Variants in NLGN1 observed in about 807,000 individuals in gnomAD.
The protein encoded by NLGN1 is neuroligin 1.
NLGN1 carries 12 observed loss-of-function variants against 65.5 expected under a neutral mutation model. That is an observed-to-expected ratio of 0.18 (90% CI 0.12 to 0.30). The LOEUF is 0.30. Among genes scored for constraint, NLGN1 ranks in the 10% least tolerant of loss-of-function variants. The pLI, the probability that NLGN1 is intolerant of heterozygous loss-of-function variation, is 1.00. For missense variants in NLGN1, 750 were observed against 1,007.1 expected (o/e 0.74, Z 3.46); for synonymous variants, 350 against 359.5 (o/e 0.97, Z 0.30).
chr3:174,242,658 C>T (rs1336706701), intron 4 of NLGN1, among the ~76,000 whole-genome samples: 1 of 152,014 alleles, frequency 6.6e-6, no homozygotes, highest in Non-Finnish European at 1.5e-5. Context: ...CCAGATAGAA[C>T]CATCTAGTTG....
chr3:173,961,087 G>C (rs1326680609), intron 4 of NLGN1, among the ~76,000 whole-genome samples: 1 of 152,018 alleles, frequency 6.6e-6, no homozygotes, highest in African/African-American at 2.4e-5. Context: ...AGACCAATGT[G>C]ATAATCTACC....
chr3:173,790,555 C>G (rs755394916), intron 3 of NLGN1, among the ~76,000 whole-genome samples: 1 of 152,000 alleles, frequency 6.6e-6, no homozygotes, highest in Non-Finnish European at 1.5e-5. Context: ...TTTAAAGAAA[C>G]TAATAATAGA....
intron 4 of NLGN1, among the ~76,000 whole-genome samples, chr3:174,139,465 T>C (rs1721904374): frequency 6.6e-6 from 1 of 152,150 alleles, no homozygotes; most frequent in Non-Finnish European, 1.5e-5. Context: ...TTTTTAGCAC[T>C]GAATAATATT....
At chr3:174,066,027 T>C (rs977171069) in intron 4 of NLGN1, among the ~76,000 whole-genome samples, 2 of 152,224 alleles carry the variant, frequency 1.3e-5, no homozygotes, top group Non-Finnish European at 2.9e-5. Flanking sequence ...TGGGTTAATT[T>C]GTTACACAGC....
At chr3:174,077,611 A>G (rs1741276238) in intron 4 of NLGN1, among the ~76,000 whole-genome samples, 1 of 151,750 alleles carries the variant, frequency 6.6e-6, no homozygotes, top group Non-Finnish European at 1.5e-5. Context: ...GCTGGAGTGT[A>G]GTGGCATGAT....
chr3:174,100,996 A>T (rs777841433), intron 4 of NLGN1, among the ~76,000 whole-genome samples: 1 of 151,944 alleles, frequency 6.6e-6, no homozygotes, highest in Non-Finnish European at 1.5e-5. Flanking sequence ...CAAGAGCATA[A>T]CTGTTTTGGA....
intron 4 of NLGN1, among the ~76,000 whole-genome samples, chr3:174,101,963 G>A (rs770545190): frequency 2.6e-5 from 4 of 152,152 alleles, no homozygotes; most frequent in Non-Finnish European, 4.4e-5. Context: ...TAGGGCTTCA[G>A]CAGGAAGAAA....
At chr3:173,872,809 T>C (rs1731411335) in intron 4 of NLGN1, among the ~76,000 whole-genome samples, 1 of 152,180 alleles carries the variant, frequency 6.6e-6, no homozygotes, top group South Asian at 2.1e-4. Context: ...ATCCATAGTT[T>C]ATTTTTCAAC....
intron 3 of NLGN1, among the ~76,000 whole-genome samples, chr3:173,633,405 C>T (rs1253323018): frequency 9.2e-5 from 14 of 152,092 alleles, no homozygotes; most frequent in Admixed American, 9.2e-4. Flanking sequence ...TTCCCTAGGG[C>T]AGTTTCACCT....
chr3:173,728,382 G>C (rs1234149378), intron 3 of NLGN1, among the ~76,000 whole-genome samples: 1 of 152,092 alleles, frequency 6.6e-6, no homozygotes, highest in Non-Finnish European at 1.5e-5. Flanking sequence ...TTGCATGTAT[G>C]TATGGGAGGA....
chr3:173,566,369 G>A (rs1743664299), intron 2 of NLGN1, among the ~76,000 whole-genome samples: 1 of 152,024 alleles, frequency 6.6e-6, no homozygotes, highest in Admixed American at 6.6e-5. Context: ...TTAATTGTAT[G>A]GGCTAGTAGG....
At chr3:173,452,099 C>T (rs1390989770) in intron 2 of NLGN1, among the ~76,000 whole-genome samples, 1 of 152,220 alleles carries the variant, frequency 6.6e-6, no homozygotes, top group Non-Finnish European at 1.5e-5. Flanking sequence ...CCAGTGAGAT[C>T]AACCTGGTAC....
intron 4 of NLGN1, among the ~76,000 whole-genome samples, chr3:174,125,072 A>G (rs901308014): frequency 6.6e-6 from 1 of 152,124 alleles, no homozygotes; most frequent in Non-Finnish European, 1.5e-5. Flanking sequence ...CAAGTGCCAG[A>G]TTATAAGGTA....
intron 4 of NLGN1, among the ~76,000 whole-genome samples, chr3:174,227,754 T>C (rs866385861): frequency 2.6e-5 from 4 of 152,098 alleles, no homozygotes; most frequent in Admixed American, 2.0e-4. Context: ...AAAATGTTTG[T>C]GAAATAGCAT....
intron 2 of NLGN1, among the ~76,000 whole-genome samples, chr3:173,555,846 G>T (rs925596544): frequency 1.3e-5 from 2 of 152,006 alleles, no homozygotes; most frequent in African/African-American, 4.8e-5. Flanking sequence ...ATACTCTTAT[G>T]TTATCTGAAA....
At chr3:173,788,354 C>A (rs79438610) in intron 3 of NLGN1, among the ~76,000 whole-genome samples, 14,705 of 151,398 alleles carry the variant, frequency 0.097, 789 homozygotes, top group African/African-American at 0.14. Context: ...TAAAATGCAA[C>A]ATAAAATATC....
At chr3:174,227,833 C>T (rs895460017) in intron 4 of NLGN1, among the ~76,000 whole-genome samples, 50 of 152,128 alleles carry the variant, frequency 3.3e-4, no homozygotes, top group Admixed American at 2.8e-3. Context: ...ATGTTAGCAT[C>T]ATCTAATATT....
chr3:173,597,517 C>G (rs1013937789), intron 2 of NLGN1, among the ~76,000 whole-genome samples: 34 of 152,180 alleles, frequency 2.2e-4, no homozygotes, highest in African/African-American at 8.2e-4. Context: ...TCTCTGGTTT[C>G]TTTTACACCA....
Position 174,279,589 on chromosome 3 carries a change from A to G in NLGN1, c.1588A>G (p.Lys530Glu), listed in dbSNP as rs778938175. 3 of 1,613,066 alleles carry G rather than the reference A, an allele frequency of 1.9e-6. No individual in the cohort carries two copies. Among genetic ancestry groups the G allele is most frequent in the East Asian group, 2.2e-5 (1 of 44,848 alleles). ...AGAGTTATTTCCTTGCAATTTCTCC[A>G]AAAATGATGTGATGCTGAGTGCAGT... The change falls in exon 6 of 7, where the codon AAA (lysine) becomes GAA (glutamate). Residue 530 changes from lysine (K) to glutamate (E), a missense_variant. Lys to Glu is a moderately conservative substitution (Grantham distance 56). Transcript: ENST00000457714. The surrounding 1 kb of genome is among the most constrained non-coding windows in gnomAD (Gnocchi z 4.7).
Sources: allele counts gnomAD v4.1 joint callset (sites outside exome capture counted in the v4.1 genomes callset), GRCh38; gene constraint gnomAD v4.1.1; non-coding constraint Gnocchi (gnomAD v3.1); transcripts MANE v1.5; gene names NCBI Gene and HGNC (gene_info 2026-07-23, HGNC 2026-07-21).